ZMAT4: variants seen among roughly 807,000 people sequenced by gnomAD.
ZMAT4 encodes the protein zinc finger matrin-type protein 4.
ZMAT4 carries 17 observed loss-of-function variants against 28.7 expected under a neutral mutation model. The observed-to-expected ratio is 0.59, with a 90% CI of 0.41 to 0.89. The LOEUF (loss-of-function observed/expected upper bound fraction) is 0.89. Among genes scored for constraint, ZMAT4 ranks in the 40% least tolerant of loss-of-function variants. The probability of loss-of-function intolerance (pLI) is 0.00; values close to 1 mark genes in which losing one functional copy is unlikely to be tolerated. For synonymous variants in ZMAT4, 117 were observed against 109.2 expected (o/e 1.07, Z -0.44); for missense variants, 240 against 283.8 (o/e 0.85, Z 1.11).
chr8:40,889,180 TG>T lies in ZMAT4; in HGVS notation c.-5+8502del, dbSNP rs1293963474. ...CACTGCAGGTGACAGGGCCCGGAGG[TG>T]GGAATGCAGCGAAGAGGAAGGAACA... On this transcript the variant is annotated intron_variant, in intron 1 of 6. Coordinates refer to ENST00000297737, the MANE Select transcript of ZMAT4 (RefSeq NM_024645.3). Among the ~76,000 whole-genome samples, 5 of 152,020 alleles carry T rather than the reference TG, an allele frequency of 3.3e-5. No homozygotes were observed. In the East Asian group the frequency reaches 7.7e-4, roughly 23 times the overall value.
chr8:40,532,039 A>C lies in ZMAT4; in HGVS notation c.*184T>G. On this transcript the variant is annotated 3_prime_UTR_variant, in exon 7 of 7. Transcript: ENST00000297737. ...TCATAACTTACCCCAAAATTAAAAA[A>C]AGGAAAAAGAAAAAAGAAACCTCAT... The C allele has an allele frequency of 2.2e-6, 1 of 454,486 alleles. No homozygotes were observed. The allele number at this position is 454,486 out of a possible 1,614,324, so 28.2% of individuals were successfully genotyped here. A position where few individuals can be genotyped will look rare whatever the true frequency, so the allele number is the denominator to read the frequency against.
intron 5 of ZMAT4, among the ~76,000 whole-genome samples, chr8:40,631,544 C>T (rs1006203744): frequency 3.3e-5 from 5 of 152,188 alleles, no homozygotes; most frequent in African/African-American, 1.2e-4. Context: ...CTACTCAGTT[C>T]TAATGCGAGA....
At chr8:40,723,562 A>AG (rs1379769622) in intron 3 of ZMAT4, among the ~76,000 whole-genome samples, 2 of 151,464 alleles carry the variant, frequency 1.3e-5, no homozygotes, top group Non-Finnish European at 2.9e-5. Context: ...AAAAAAAAAA[A>AG]AAAGATTGGG....
At chr8:40,807,138 CAAA>C (rs34726845) in intron 2 of ZMAT4, among the ~76,000 whole-genome samples, 1 of 90,262 alleles carries the variant, frequency 1.1e-5, no homozygotes, top group Non-Finnish European at 2.1e-5. Flanking sequence ...GGGGTGAGGA[CAAA>C]AAAAAAAAAA....
At chr8:40,642,939 G>A (rs528188425) in intron 5 of ZMAT4, among the ~76,000 whole-genome samples, 2 of 152,230 alleles carry the variant, frequency 1.3e-5, no homozygotes, top group South Asian at 2.1e-4. Flanking sequence ...AAAAGGGTAT[G>A]AGGAGGCAAA....
chr8:40,666,909 T>G (rs1808438193), intron 5 of ZMAT4, among the ~76,000 whole-genome samples: 1 of 152,046 alleles, frequency 6.6e-6, no homozygotes, highest in East Asian at 1.9e-4. Context: ...AGGTATGTCA[T>G]GAATGCCTAA....
At chr8:40,877,188 G>A (rs1332377472) in intron 1 of ZMAT4, among the ~76,000 whole-genome samples, 8 of 152,186 alleles carry the variant, frequency 5.3e-5, no homozygotes, top group African/African-American at 1.7e-4. Context: ...GCCAAGAACA[G>A]TGGTCAGGGG....
intron 2 of ZMAT4, among the ~76,000 whole-genome samples, chr8:40,801,822 A>G (rs1454788260): frequency 6.6e-6 from 1 of 152,182 alleles, no homozygotes; most frequent in Non-Finnish European, 1.5e-5. Context: ...TAGATGCAAA[A>G]TTTTCCAACA....
chr8:40,737,467 G>A (rs188484760), intron 3 of ZMAT4, among the ~76,000 whole-genome samples: 169 of 152,160 alleles, frequency 1.1e-3, no homozygotes, highest in Non-Finnish European at 7.8e-4. Context: ...AGGAAGAAAA[G>A]TCACTGAATC....
chr8:40,864,565 G>A (rs1399500500), intron 1 of ZMAT4, among the ~76,000 whole-genome samples: 3 of 152,084 alleles, frequency 2.0e-5, no homozygotes, highest in Admixed American at 2.0e-4. Flanking sequence ...GTGTGGCCTG[G>A]GTACTCACCC....
intron 5 of ZMAT4, among the ~76,000 whole-genome samples, chr8:40,649,278 G>T (rs1265754814): frequency 6.6e-6 from 1 of 152,072 alleles, no homozygotes; most frequent in Non-Finnish European, 1.5e-5. Flanking sequence ...TGCAATCCTA[G>T]TCTCTGATAA....
chr8:40,782,378 C>A (rs1813873349), intron 2 of ZMAT4, among the ~76,000 whole-genome samples: 1 of 151,746 alleles, frequency 6.6e-6, no homozygotes, highest in African/African-American at 2.4e-5. Context: ...GAGCAAGACT[C>A]CGTCTCGAAA....
rs116568200 is a variant in ZMAT4, at chr8:40,772,810, G to T, written c.103-5080C>A. Among the ~76,000 whole-genome samples, 1,246 of 152,346 alleles carry T rather than the reference G, an allele frequency of 8.2e-3. 22 individuals carry two copies. The highest frequency in any genetic ancestry group is 0.029 in the African/African-American group (1,190 of 41,582). ...ATAAAACAGGAAAACCTGGAACAAA[G>T]AGTGATTCTCACATGCCACCACATT... On this transcript the variant is annotated intron_variant, in intron 2 of 6. Coordinates refer to ENST00000297737, the MANE Select transcript of ZMAT4 (RefSeq NM_024645.3).
At chr8:40,668,923 C>G (rs1808556941) in intron 5 of ZMAT4, among the ~76,000 whole-genome samples, 1 of 150,348 alleles carries the variant, frequency 6.7e-6, no homozygotes, top group Non-Finnish European at 1.5e-5. Context: ...CTACCCAGAA[C>G]ACCATAAATT....
rs1312090653 is a variant in ZMAT4, at chr8:40,674,727, G to T, written c.554C>A (p.Thr185Asn). 3 of 1,613,748 alleles carry T rather than the reference G, an allele frequency of 1.9e-6. No homozygotes were observed. Among genetic ancestry groups the T allele is most frequent in the Non-Finnish European group, 2.5e-6 (3 of 1,179,844 alleles). The change falls in exon 5 of 7, where the codon ACC becomes AAC. Residue 185 changes from threonine to asparagine, a missense_variant. Thr to Asn is a moderately conservative substitution (Grantham distance 65). Transcript: ENST00000297737. ...RVALLEQLGT[T>N]LDMGELRGLR... ...ACCTCTCAGTTCCCCCATATCCAGGGTTGTCCCCAGTTGTTCTAACAAAGC... is the reference window on the plus strand; with the variant it reads ...ACCTCTCAGTTCCCCCATATCCAGGTTTGTCCCCAGTTGTTCTAACAAAGC...
chr8:40,893,308 A>T (rs1241364034), intron 1 of ZMAT4, among the ~76,000 whole-genome samples: 2 of 152,104 alleles, frequency 1.3e-5, no homozygotes, highest in Admixed American at 6.6e-5. Context: ...CTGCAGTGGG[A>T]TGTAGGGCTC....
rs533555555 is a variant in ZMAT4 at position 40,648,294 on chromosome 8, C to T, written c.577+26410G>A. The stretch of plus-strand genomic sequence containing the variant: ...TGAAGAATGCAGAAGCCTCAGGAGC[C>T]GATGCGATCAACTGGAAGAAAGGGT... On this transcript the variant is annotated intron_variant, in intron 5 of 6. Coordinates refer to ENST00000297737, the MANE Select transcript of ZMAT4 (RefSeq NM_024645.3). Among the ~76,000 whole-genome samples the T allele has an allele frequency of 3.0e-3, 459 of 151,124 alleles. 2 individuals are homozygous for T. Among genetic ancestry groups the T allele is most frequent in the African/African-American group, 0.01 (425 of 41,130 alleles).
At chr8:40,546,451 A>G (rs995579913) in intron 6 of ZMAT4, among the ~76,000 whole-genome samples, 2 of 152,210 alleles carry the variant, frequency 1.3e-5, no homozygotes, top group African/African-American at 4.8e-5. Flanking sequence ...GTTCACTTTC[A>G]ATTAATAGAC....
intron 2 of ZMAT4, among the ~76,000 whole-genome samples, chr8:40,782,920 G>T (rs1586043835): frequency 1.3e-5 from 2 of 152,196 alleles, no homozygotes; most frequent in Non-Finnish European, 2.9e-5. Context: ...AATAACAAGT[G>T]TTCCCCAAGG....
Sources: gnomAD v4.1 joint callset for allele counts (sites outside exome capture counted in the v4.1 genomes callset) on GRCh38, gnomAD v4.1.1 for gene constraint, MANE v1.5 for transcripts, NCBI Gene and HGNC (gene_info 2026-07-23, HGNC 2026-07-21) for gene names.